Variants in PPM1G observed in about 807,000 individuals in gnomAD.
The protein encoded by PPM1G is protein phosphatase 1G.
Under a neutral mutation model 59.4 loss-of-function variants are expected in PPM1G, and 12 were observed. The observed-to-expected ratio is 0.20, with a 90% CI of 0.13 to 0.33. PPM1G has a LOEUF of 0.33. Among genes scored for constraint, PPM1G ranks in the 10% least tolerant of loss-of-function variants. PPM1G has a pLI of 1.00. For missense variants in PPM1G, 392 were observed against 681.3 expected (o/e 0.58, Z 4.73); for synonymous variants, 245 against 251.9 (o/e 0.97, Z 0.26).
chr2:27,381,612 G>C lies in PPM1G; in HGVS notation c.1628C>G (p.Ala543Gly). Residue 543 changes from alanine to glycine, a missense_variant, in exon 10 of 10, where the codon GCC (alanine) becomes GGC (glycine). Physicochemically the swap from Ala to Gly is moderately conservative, Grantham distance 60. Around this residue, in one of 6 missense-constraint regions of PPM1G, gnomAD observed 49 missense variants for 43.4 expected, o/e 1.13. Transcript: ENST00000344034. ...TCTGGATGACTGCTAGTCTCGCTTG[G>C]CCTTCTTCTTCTTGTCGCTGTTGCC... ...ENGNSDKKKK[A>G]KRD is the part of the protein sequence containing the mutation. 6.2e-7 allele frequency: 1 copy of C among 1,614,080 alleles called. No individual in the cohort carries two copies. Among genetic ancestry groups the C allele is most frequent in the Non-Finnish European group, 8.5e-7 (1 of 1,180,012 alleles).
chr2:27,382,098 A>C lies in PPM1G; in HGVS notation c.1434+28T>G. 6.3e-7 allele frequency: 1 copy of C among 1,590,184 alleles called. No homozygotes were observed. The highest frequency in any genetic ancestry group is 8.6e-7 in the Non-Finnish European group (1 of 1,158,538). ...TGAACCCTGGCTGTGCAGACCAGAC[A>C]CCCTCTCTTCTCCACCCTGGTACTC... On this transcript the variant is annotated intron_variant, in intron 9 of 9. Transcript: ENST00000344034. The surrounding 1 kb of genome is among the most constrained non-coding windows in gnomAD (Gnocchi z 4.2).
intron 1 of PPM1G, among the ~76,000 whole-genome samples, chr2:27,387,638 T>C (rs1443684947): frequency 3.3e-5 from 5 of 151,912 alleles, no homozygotes; most frequent in Non-Finnish European, 5.9e-5. Flanking sequence ...ATAGCTGAGA[T>C]TACAGGCATG....
chr2:27,386,879 T>C (rs1683777126), intron 2 of PPM1G: 1 of 441,154 alleles, frequency 2.3e-6, no homozygotes, highest in Non-Finnish European at 4.0e-6. Flanking sequence ...ATAGAGGCTC[T>C]TTGGATTAAA....
chr2:27,392,622 A>G (rs938569834), intron 1 of PPM1G, among the ~76,000 whole-genome samples: 4,604 of 88,280 alleles, frequency 0.052, 1 homozygote, highest in African/African-American at 0.082. Context: ...GGGGGGGGGG[A>G]GGGTACCAAA....
At chr2:27,393,120 A>AG in intron 1 of PPM1G, 3 of 1,328,274 alleles carry the variant, frequency 2.3e-6, no homozygotes, top group Non-Finnish European at 3.2e-6. Flanking sequence ...GATATCCTGA[A>AG]GGAAGATTCG....
intron 1 of PPM1G, among the ~76,000 whole-genome samples, chr2:27,408,213 C>T (rs1240863312): frequency 2.0e-5 from 3 of 152,120 alleles, no homozygotes; most frequent in Non-Finnish European, 2.9e-5. Context: ...CAGAGCTAAC[C>T]ACAGGGAGGA....
intron 1 of PPM1G, 95 bp downstream of exon 1, chr2:27,409,208 G>T: frequency 2.8e-6 from 4 of 1,447,168 alleles, no homozygotes; most frequent in Admixed American, 2.6e-5. Context: ...GCTCCCAATT[G>T]GGACCCTTCC....
In PPM1G at chr2:27,381,506, C is replaced by T. The variant is rs1369860697; in HGVS notation, c.*93G>A. 24 of 1,455,638 alleles carry T rather than the reference C, an allele frequency of 1.6e-5. No homozygotes were observed. The highest frequency in any genetic ancestry group is 3.4e-5 in the Admixed American group (2 of 58,834). The allele number at this position is 1,455,638 out of a possible 1,614,324, so 90.2% of individuals were successfully genotyped here. ...CCCAGCTCCCCCTGCACACCTCATACCCACTGCTAAGGCTAAAGGAAAAAG... is the reference window on the plus strand; with the variant it reads ...CCCAGCTCCCCCTGCACACCTCATATCCACTGCTAAGGCTAAAGGAAAAAG... On this transcript the variant is annotated 3_prime_UTR_variant, in exon 10 of 10. Coordinates refer to ENST00000344034, the MANE Select transcript of PPM1G (RefSeq NM_177983.3).
intron 9 of PPM1G, among the ~76,000 whole-genome samples, 153 bp downstream of exon 9, chr2:27,381,973 G>A (rs1474688819): frequency 6.6e-6 from 1 of 152,186 alleles, no homozygotes; most frequent in Non-Finnish European, 1.5e-5. Context: ...GGCTAAGTCA[G>A]GGAAATGACA....
intron 1 of PPM1G, among the ~76,000 whole-genome samples, chr2:27,398,473 T>C (rs115836740): frequency 4.8e-4 from 73 of 151,870 alleles, no homozygotes; most frequent in African/African-American, 1.7e-3. Flanking sequence ...ACAAACAAAA[T>C]AGACAAATTG....
At chr2:27,387,488 G>C (rs1299560014) in intron 1 of PPM1G, among the ~76,000 whole-genome samples, 4 of 151,954 alleles carry the variant, frequency 2.6e-5, no homozygotes, top group African/African-American at 9.7e-5. Context: ...GGGAAAACCA[G>C]AATAAAGGAT....
intron 1 of PPM1G, chr2:27,393,401 G>T: frequency 7.3e-7 from 1 of 1,377,738 alleles, no homozygotes; most frequent in Non-Finnish European, 1.0e-6. Flanking sequence ...GGCAGCGGCA[G>T]TGGTGGCTAC....
chr2:27,387,120 T>C lies in PPM1G; in HGVS notation c.159A>G (p.Thr53=), dbSNP rs1683782794. The C allele has an allele frequency of 3.1e-6, 5 of 1,613,330 alleles. No homozygotes were observed. The African/African-American group carries it at 5.3e-5, about 17-fold the overall frequency. The change falls in exon 2 of 10, where the codon ACA becomes ACG. Residue 53 remains threonine, a synonymous_variant. Coordinates refer to ENST00000344034, the MANE Select transcript of PPM1G (RefSeq NM_177983.3). ...GTCCATCGTAGACAGAAAACATGGC[T>C]GTCTCACTGTCCAGCTCAGGAATAC... ...HNCIPELDSE[T]AMFSVYDGHG... is the part of the protein sequence containing the mutation.
intron 1 of PPM1G, among the ~76,000 whole-genome samples, chr2:27,389,237 A>T (rs961977979): frequency 2.6e-5 from 4 of 151,312 alleles, no homozygotes; most frequent in Admixed American, 1.3e-4. Context: ...GCTACATAAA[A>T]ATATATATAT....
In PPM1G at chr2:27,383,694, G is replaced by A; in HGVS notation, c.967-94C>T. ...CGTTCACCTATGCTTGCTTTCACTG[G>A]GACCCCCAAAAGAGCTTTAACAAAC... is the stretch of plus-strand genomic sequence containing the variant. On this transcript the variant is annotated intron_variant, in intron 6 of 9. Transcript: ENST00000344034. The surrounding 1 kb of genome is among the most constrained non-coding windows in gnomAD (Gnocchi z 5.0). 7.6e-7 allele frequency: 1 copy of A among 1,316,318 alleles called. No individual in the cohort carries two copies. Among genetic ancestry groups the A allele is most frequent in the Non-Finnish European group, 1.0e-6 (1 of 959,114 alleles). The allele number at this position is 1,316,318 out of a possible 1,614,324, so 81.5% of individuals were successfully genotyped here. A position where few individuals can be genotyped will look rare whatever the true frequency, so the allele number is the denominator to read the frequency against.
In PPM1G at chr2:27,384,573, T is replaced by C; in HGVS notation, c.825+100A>G. On this transcript the variant is annotated intron_variant, in intron 5 of 9. Coordinates refer to ENST00000344034, the MANE Select transcript of PPM1G (RefSeq NM_177983.3). This position sits in a 1 kb window ranked among gnomAD's most constrained non-coding sequence, Gnocchi z 4.8. ...GAATACAGTGGGTCTTGGGGGATGA[T>C]GTCAAAATAGGAGAAGGAAAGAGAG... 1 of 1,373,158 alleles carries C rather than the reference T, an allele frequency of 7.3e-7. No homozygotes were observed. The highest frequency in any genetic ancestry group is 1.4e-5 in the South Asian group (1 of 71,862). The allele number at this position is 1,373,158 out of a possible 1,614,324, so 85.1% of individuals were successfully genotyped here.
chr2:27,383,645 G>T lies in PPM1G; in HGVS notation c.967-45C>A. On this transcript the variant is annotated intron_variant, in intron 6 of 9. Transcript: ENST00000344034. This position sits in a 1 kb window ranked among gnomAD's most constrained non-coding sequence, Gnocchi z 5.0. The stretch of plus-strand genomic sequence containing the variant: ...GCATCATGGGGGCTTCTGAACATGC[G>T]TTCCTCACTGATGTGCTCCTGATCG... 1 of 1,525,232 alleles carries T rather than the reference G, an allele frequency of 6.6e-7. No individual in the cohort carries two copies. Among genetic ancestry groups the T allele is most frequent in the East Asian group, 2.4e-5 (1 of 41,856 alleles). 94.5% of individuals were successfully genotyped at this position (1,525,232 alleles called of 1,614,324 possible).
At chr2:27,406,966 CTTTTTTTTTT>C (rs201901048) in intron 1 of PPM1G, among the ~76,000 whole-genome samples, 2 of 137,346 alleles carry the variant, frequency 1.5e-5, no homozygotes, top group African/African-American at 2.7e-5. Flanking sequence ...TTTATTTATT[CTTTTTTTTTT>C]TTTTTTTGAG....
chr2:27,408,493 C>T (rs1663433616), intron 1 of PPM1G, among the ~76,000 whole-genome samples: 1 of 151,980 alleles, frequency 6.6e-6, no homozygotes, highest in African/African-American at 2.4e-5. Context: ...CCCTTTTGTC[C>T]AGAGTAAAAT....
Sources: allele counts gnomAD v4.1 joint callset (sites outside exome capture counted in the v4.1 genomes callset), GRCh38; gene constraint gnomAD v4.1.1; regional missense constraint gnomAD v4.1.1; non-coding constraint Gnocchi (gnomAD v3.1); transcripts MANE v1.5; gene names NCBI Gene and HGNC (gene_info 2026-07-23, HGNC 2026-07-21).